Variants in ARMC9 observed in about 807,000 individuals in gnomAD.
ARMC9 encodes the protein lisH domain-containing protein ARMC9.
A neutral mutation model predicts 107.0 loss-of-function variants in ARMC9; 94 were observed. That is an observed-to-expected ratio of 0.88 (90% confidence interval 0.74 to 1.04). The LOEUF (loss-of-function observed/expected upper bound fraction) is 1.04, where lower values mean the gene tolerates loss of function less well. Ranked by LOEUF, ARMC9 falls within the 50% of genes least tolerant of loss-of-function variation. ARMC9 has a pLI of 0.00. For missense variants in ARMC9, 942 were observed against 1,030.1 expected (o/e 0.91, Z 1.17); for synonymous variants, 380 against 396.9 (o/e 0.96, Z 0.51).
chr2:231,300,632 C>T (rs757035008), intron 19 of ARMC9, among the ~76,000 whole-genome samples: 3 of 152,148 alleles, frequency 2.0e-5, no homozygotes, highest in Non-Finnish European at 4.4e-5. Context: ...GGTCACTTGC[C>T]AAGTTCACAC....
intron 23 of ARMC9, among the ~76,000 whole-genome samples, chr2:231,366,526 C>A (rs2045822595): frequency 6.6e-6 from 1 of 151,970 alleles, no homozygotes; most frequent in Admixed American, 6.6e-5. Flanking sequence ...TAGCAAAACC[C>A]CACCTCTAAA....
At chr2:231,213,502 A>T (rs1417059590) in intron 3 of ARMC9, among the ~76,000 whole-genome samples, 2 of 139,602 alleles carry the variant, frequency 1.4e-5, no homozygotes, top group African/African-American at 2.7e-5. Context: ...TTTGAGATGG[A>T]GTCTCGCTCT....
chr2:231,319,579 C>T (rs2125531908), intron 19 of ARMC9, among the ~76,000 whole-genome samples: 1 of 152,318 alleles, frequency 6.6e-6, no homozygotes, highest in East Asian at 1.9e-4. Context: ...AGGGACTCTT[C>T]CTCTCCCTTA....
In ARMC9 at chr2:231,360,604, A is replaced by G; in HGVS notation, c.2132-150A>G. The G allele has an allele frequency of 1.6e-6, 2 of 1,281,816 alleles. No individual in the cohort carries two copies. Among genetic ancestry groups the G allele is most frequent in the South Asian group, 2.6e-5 (2 of 75,618 alleles). 79.4% of individuals were successfully genotyped at this position (1,281,816 alleles called of 1,614,324 possible). ...GCAAGTTCCCGGGCTGCACGAGTAA[A>G]CAAGTATCCCAAGCCACAGGCGCCA... On this transcript the variant is annotated intron_variant, in intron 22 of 24. Coordinates refer to ENST00000611582, the MANE Select transcript of ARMC9 (RefSeq NM_001352754.2). This position sits in a 1 kb window ranked among gnomAD's most constrained non-coding sequence, Gnocchi z 4.7.
At chr2:231,338,514 A>G (rs1010629222) in intron 20 of ARMC9, among the ~76,000 whole-genome samples, 1 of 133,292 alleles carries the variant, frequency 7.5e-6, no homozygotes. Flanking sequence ...GGCATGAGCC[A>G]CCTCGCCCGG....
intron 7 of ARMC9, among the ~76,000 whole-genome samples, chr2:231,234,371 G>A (rs1014240907): frequency 2.0e-5 from 3 of 152,156 alleles, no homozygotes; most frequent in South Asian, 4.1e-4. Flanking sequence ...CTTGCTGTAA[G>A]GCCTGGTGGG....
intron 7 of ARMC9, 65 bp from the exon 8 acceptor site, chr2:231,235,159 A>G: frequency 6.7e-7 from 1 of 1,502,964 alleles, no homozygotes; most frequent in South Asian, 1.3e-5. Context: ...TTCTTTGAGA[A>G]GAATACAATT....
chr2:231,252,238 T>C (rs936954324), intron 9 of ARMC9, among the ~76,000 whole-genome samples: 1 of 152,212 alleles, frequency 6.6e-6, no homozygotes, highest in Non-Finnish European at 1.5e-5. Flanking sequence ...TTTTTCTTTA[T>C]ATATTATGGT....
At chr2:231,324,705 T>C (rs2043216211) in intron 19 of ARMC9, among the ~76,000 whole-genome samples, 1 of 151,634 alleles carries the variant, frequency 6.6e-6, no homozygotes, top group Non-Finnish European at 1.5e-5. Context: ...GATCACACCA[T>C]TGCACTCAGC....
intron 9 of ARMC9, among the ~76,000 whole-genome samples, chr2:231,243,408 G>A (rs558783741): frequency 6.6e-6 from 1 of 152,114 alleles, no homozygotes; most frequent in Non-Finnish European, 1.5e-5. Flanking sequence ...GTGAGAGCCT[G>A]TCTCAAAAGA....
At position 231,291,364 on chromosome 2, in the gene ARMC9, C is replaced by G. The variant is rs1443232843; in HGVS notation, c.1638C>G (p.Asp546Glu). The G allele has an allele frequency of 6.2e-7, 1 of 1,613,428 alleles. No homozygotes were observed. The highest frequency in any genetic ancestry group is 1.3e-5 in the African/African-American group (1 of 75,036). Residue 546 changes from aspartate (D) to glutamate (E), a missense_variant, in exon 18 of 25, where the codon GAC (aspartate) becomes GAG (glutamate). By Grantham distance (45) the Asp-to-Glu change is conservative. Transcript: ENST00000611582. The stretch of plus-strand genomic sequence containing the variant: ...GCCAATACTTCTAGGGAATGGAAGA[C>G]ATCCTACGCTGCTTCATCAAAGAAG... ...REEARAMGME[D>E]ILRCFIKEGN...
chr2:231,240,173 A>G (rs2036165978), intron 9 of ARMC9, 132 bp downstream of exon 9: 1 of 777,648 alleles, frequency 1.3e-6, no homozygotes, highest in African/African-American at 1.8e-5. Flanking sequence ...AAGTCTAGAA[A>G]CTCCTAGAAG....
At chr2:231,370,663 CA>C (rs1336448615) in intron 24 of ARMC9, 1 of 163,360 alleles carries the variant, frequency 6.1e-6, no homozygotes, top group African/African-American at 2.4e-5. Context: ...CAAGGGCCCC[CA>C]CTCTCTCCCT....
intron 19 of ARMC9, among the ~76,000 whole-genome samples, chr2:231,324,123 CT>C (rs71296842): frequency 0.046 from 4,091 of 89,010 alleles, 33 homozygotes; most frequent in Non-Finnish European, 0.065. Flanking sequence ...TTGTAAAGTA[CT>C]TTTTTTTTTT....
intron 18 of ARMC9, 62 bp downstream of exon 18, chr2:231,291,505 A>C (rs1437369252): frequency 6.5e-7 from 1 of 1,530,676 alleles, no homozygotes; most frequent in Admixed American, 1.7e-5. Context: ...CCAGAAAGAC[A>C]CATGGCATTT....
At chr2:231,219,572 G>A (rs1399448801) in intron 5 of ARMC9, among the ~76,000 whole-genome samples, 4 of 152,010 alleles carry the variant, frequency 2.6e-5, no homozygotes, top group Non-Finnish European at 5.9e-5. Flanking sequence ...TCTGGCCTCT[G>A]GGTTTGTATC....
intron 6 of ARMC9, among the ~76,000 whole-genome samples, chr2:231,225,349 C>A (rs942862273): frequency 2.0e-5 from 3 of 152,140 alleles, no homozygotes; most frequent in African/African-American, 7.2e-5. Context: ...GAGCTATATA[C>A]CCTAGCTATA....
intron 20 of ARMC9, among the ~76,000 whole-genome samples, chr2:231,341,408 G>A (rs1194463082): frequency 6.6e-6 from 1 of 152,188 alleles, no homozygotes; most frequent in South Asian, 2.1e-4. Flanking sequence ...GCTCCACTTG[G>A]TGACCTCCAC....
At chr2:231,239,910 C>G (rs2036124250) in intron 8 of ARMC9, 33 bp from the exon 9 acceptor site, 1 of 1,582,496 alleles carries the variant, frequency 6.3e-7, no homozygotes, top group Non-Finnish European at 8.7e-7. Flanking sequence ...GAGTTTCATG[C>G]CATCACCAGA....
Sources: gnomAD v4.1 joint callset for allele counts (sites outside exome capture counted in the v4.1 genomes callset) on GRCh38, gnomAD v4.1.1 for gene constraint, Gnocchi (gnomAD v3.1) non-coding constraint, MANE v1.5 for transcripts, NCBI Gene and HGNC (gene_info 2026-07-23, HGNC 2026-07-21) for gene names.